The following RPS6KC1 variants were observed in gnomAD, a reference collection of about 807,000 sequenced individuals.
The protein encoded by RPS6KC1 is inactive ribosomal protein S6 kinase delta-1.
RPS6KC1 carries 54 observed loss-of-function variants against 103.8 expected under a neutral mutation model. The observed-to-expected ratio is 0.52, with a 90% CI of 0.42 to 0.65. The LOEUF (loss-of-function observed/expected upper bound fraction) is 0.65. Among genes scored for constraint, RPS6KC1 ranks in the 30% least tolerant of loss-of-function variants. The pLI is 0.00. For missense variants in RPS6KC1, 1,151 were observed against 1,253.8 expected (o/e 0.92, Z 1.24); for synonymous variants, 439 against 438.7 (o/e 1.00, Z -0.01).
chr1:213,485,021 C>T, the RPS6KC1 span, among the ~76,000 whole-genome samples: 1 of 151,996 alleles, frequency 6.6e-6, no homozygotes, highest in African/African-American at 2.4e-5. Flanking sequence ...CACCACCATG[C>T]CAAGCTAATT....
At chr1:213,590,136 G>T in the RPS6KC1 span, among the ~76,000 whole-genome samples, 1 of 152,130 alleles carries the variant, frequency 6.6e-6, no homozygotes, top group African/African-American at 2.4e-5. Context: ...GGATAGAAAA[G>T]AAAAATTGGT....
chr1:213,152,889 G>A (rs1364360144), intron 6 of RPS6KC1, among the ~76,000 whole-genome samples: 4 of 152,230 alleles, frequency 2.6e-5, no homozygotes, highest in African/African-American at 7.2e-5. Flanking sequence ...CAAGGCAGGC[G>A]GCTGGGAGGT....
intron 6 of RPS6KC1, among the ~76,000 whole-genome samples, chr1:213,161,495 A>C (rs1048804367): frequency 6.6e-6 from 1 of 151,966 alleles, no homozygotes; most frequent in Non-Finnish European, 1.5e-5. Context: ...TAATTTTTGT[A>C]TTTTTAATAG....
At chr1:213,796,066 A>T in the RPS6KC1 span, among the ~76,000 whole-genome samples, 3 of 152,246 alleles carry the variant, frequency 2.0e-5, no homozygotes, top group South Asian at 6.2e-4. Flanking sequence ...TAGTAAAAGA[A>T]AATGGTGATA....
chr1:213,450,314 C>T, the RPS6KC1 span, among the ~76,000 whole-genome samples: 1 of 151,544 alleles, frequency 6.6e-6, no homozygotes. Flanking sequence ...CAAAGACTAG[C>T]AATAAGCTGA....
the RPS6KC1 span, among the ~76,000 whole-genome samples, chr1:213,679,218 C>T: frequency 1.3e-5 from 2 of 152,188 alleles, no homozygotes; most frequent in Non-Finnish European, 2.9e-5. Flanking sequence ...TGTGATCTGG[C>T]AAGACCTTGA....
the RPS6KC1 span, among the ~76,000 whole-genome samples, chr1:213,549,594 CTTCTTCTTT>C: frequency 7.9e-6 from 1 of 127,160 alleles, no homozygotes; most frequent in African/African-American, 3.2e-5. Context: ...TCTTCTTCTT[CTTCTTCTTT>C]TTCTTTTCCT....
chr1:213,531,553 GT>G, the RPS6KC1 span, among the ~76,000 whole-genome samples: 1 of 152,204 alleles, frequency 6.6e-6, no homozygotes, highest in Non-Finnish European at 1.5e-5. Flanking sequence ...ATGGAGCTCA[GT>G]GACATAACCA....
chr1:213,606,899 C>T, the RPS6KC1 span, among the ~76,000 whole-genome samples: 1 of 152,134 alleles, frequency 6.6e-6, no homozygotes, highest in Non-Finnish European at 1.5e-5. Flanking sequence ...GTAATAGACA[C>T]CTTGTGTATA....
At chr1:213,480,924 GTATTA>G in the RPS6KC1 span, among the ~76,000 whole-genome samples, 13 of 152,082 alleles carry the variant, frequency 8.5e-5, no homozygotes, top group African/African-American at 2.9e-4. Flanking sequence ...TTCATATGGG[GTATTA>G]TATTAGAAAG....
chr1:213,808,074 G>A, the RPS6KC1 span, among the ~76,000 whole-genome samples: 1 of 152,210 alleles, frequency 6.6e-6, no homozygotes, highest in East Asian at 1.9e-4. Flanking sequence ...ATCAGCAGCG[G>A]TGTCTGCAGA....
chr1:213,641,827 CA>C, the RPS6KC1 span, among the ~76,000 whole-genome samples: 1 of 114,436 alleles, frequency 8.7e-6, no homozygotes, highest in African/African-American at 4.9e-5. Flanking sequence ...CCACCCCCTG[CA>C]AAAATAAATA....
intron 1 of RPS6KC1, among the ~76,000 whole-genome samples, chr1:213,068,869 A>G (rs1259452582): frequency 8.6e-5 from 9 of 104,198 alleles, no homozygotes; most frequent in African/African-American, 3.0e-4. Flanking sequence ...AAAAAAGTGT[A>G]TATATGTGTG....
chr1:213,621,573 G>T, the RPS6KC1 span, among the ~76,000 whole-genome samples: 1 of 149,968 alleles, frequency 6.7e-6, no homozygotes, highest in South Asian at 2.1e-4. Flanking sequence ...TGTAAAAATA[G>T]ACTGAAGGAA....
chr1:213,606,222 G>T, the RPS6KC1 span, among the ~76,000 whole-genome samples: 1 of 152,168 alleles, frequency 6.6e-6, no homozygotes, highest in Non-Finnish European at 1.5e-5. Flanking sequence ...TGGAGGGTGG[G>T]TGAAAAAGAG....
chr1:213,287,241 TG>T, the RPS6KC1 span, among the ~76,000 whole-genome samples: 1 of 4,416 alleles, frequency 2.3e-4, no homozygotes, highest in Non-Finnish European at 4.7e-3. Flanking sequence ...AATGTGTGTG[TG>T]TGTGTGTGTG....
At chr1:213,744,385 AAAAC>A in the RPS6KC1 span, among the ~76,000 whole-genome samples, 4 of 152,210 alleles carry the variant, frequency 2.6e-5, no homozygotes, top group South Asian at 2.1e-4. Flanking sequence ...CAAACAAAAC[AAAAC>A]AAACAAACAC....
the RPS6KC1 span, chr1:213,546,553 G>A: frequency 6.6e-6 from 1 of 152,166 alleles, no homozygotes; most frequent in Admixed American, 6.5e-5. Context: ...TAACTAATGA[G>A]TCCTTGTGCA....
At chr1:213,580,926 T>C in the RPS6KC1 span, among the ~76,000 whole-genome samples, 1 of 152,092 alleles carries the variant, frequency 6.6e-6, no homozygotes, top group Admixed American at 6.5e-5. Context: ...TTGTTGCAAT[T>C]TGCTTTATTG....
Sources: allele counts gnomAD v4.1 joint callset (sites outside exome capture counted in the v4.1 genomes callset), GRCh38; gene constraint gnomAD v4.1.1; transcripts MANE v1.5; gene names NCBI Gene and HGNC (gene_info 2026-07-23, HGNC 2026-07-21).